TLK1: variants seen among roughly 807,000 people sequenced by gnomAD.
The protein encoded by TLK1 is tousled like kinase 1.
A neutral mutation model predicts 105.3 loss-of-function variants in TLK1; 24 were observed. That is an observed-to-expected ratio of 0.23 (90% confidence interval 0.17 to 0.32). The LOEUF is 0.32. TLK1 is among the 10% of genes least tolerant of loss of function. TLK1 has a pLI of 1.00. For missense variants in TLK1, 558 were observed against 910.5 expected, an observed-to-expected ratio of 0.61 and a Z score of 4.98; for synonymous variants, 321 against 310.4, an observed-to-expected ratio of 1.03 and a Z score of -0.36.
intron 1 of TLK1, among the ~76,000 whole-genome samples, chr2:171,166,434 C>A (rs1692611698): frequency 6.6e-6 from 1 of 152,238 alleles, no homozygotes. Flanking sequence ...GAAGAATAGG[C>A]CAAATGCCCC....
intron 1 of TLK1, among the ~76,000 whole-genome samples, chr2:171,145,741 T>C (rs1691768345): frequency 6.6e-6 from 1 of 152,214 alleles, no homozygotes; most frequent in South Asian, 2.1e-4. Flanking sequence ...AGTAATATTA[T>C]AGTGCAATTA....
intron 20 of TLK1, among the ~76,000 whole-genome samples, chr2:170,996,016 G>C (rs563060088): frequency 8.5e-4 from 125 of 147,632 alleles, no homozygotes; most frequent in African/African-American, 3.0e-3. Flanking sequence ...TGGTTTTTTT[G>C]AGACAGGGTG....
At chr2:171,156,061 C>T (rs1461994315) in intron 1 of TLK1, among the ~76,000 whole-genome samples, 1 of 152,156 alleles carries the variant, frequency 6.6e-6, no homozygotes, top group East Asian at 1.9e-4. Context: ...ATACAATATG[C>T]TTTCACATTG....
chr2:171,160,326 G>T lies in TLK1; in HGVS notation c.103C>A (p.Leu35Met), dbSNP rs768117865. ...PGSAAAARSL[L>M]NHTPPSGRPR... is the part of the protein sequence containing the mutation. ...CTCCCGGATGGCGGCGTGTGATTCA[G>T]CAGGGACCTGGCCGCCGCCGCCGAG... Residue 35 changes from leucine (L) to methionine (M), a missense_variant, in exon 1 of 21, where the codon CTG (leucine) becomes ATG (methionine). Around this residue, in one of 5 missense-constraint regions of TLK1, gnomAD observed 104 missense variants for 116.0 expected, o/e 0.90. Transcript: ENST00000431350. This position sits in a 1 kb window ranked among gnomAD's most constrained non-coding sequence, Gnocchi z 4.4. 3 of 1,602,270 alleles carry T rather than the reference G, an allele frequency of 1.9e-6. No homozygotes were observed. The highest frequency in any genetic ancestry group is 2.2e-5 in the South Asian group (2 of 89,836).
intron 3 of TLK1, among the ~76,000 whole-genome samples, chr2:171,063,599 T>C (rs1010947153): frequency 3.3e-5 from 5 of 152,142 alleles, no homozygotes; most frequent in South Asian, 2.1e-4. Context: ...TCTGAAACAG[T>C]TGTATTGGAA....
rs748729575 is a variant in TLK1, at chr2:171,006,140, C to T, written c.1904+7G>A. The T allele has an allele frequency of 2.5e-6, 4 of 1,574,820 alleles. No homozygotes were observed. The highest frequency in any genetic ancestry group is 1.9e-5 in the Admixed American group (1 of 51,882). On this transcript the variant is annotated splice_region_variant and intron_variant, in intron 18 of 20. Coordinates refer to ENST00000431350, the MANE Select transcript of TLK1 (RefSeq NM_012290.5). ...AGACATTCTGATGTTTTTAGTAATACACTTACCAGTAAGTGCCTGCCCCCT... is the reference window on the plus strand; with the variant it reads ...AGACATTCTGATGTTTTTAGTAATATACTTACCAGTAAGTGCCTGCCCCCT...
intron 18 of TLK1, among the ~76,000 whole-genome samples, chr2:170,998,920 C>T (rs1487706665): frequency 6.6e-6 from 1 of 152,096 alleles, no homozygotes; most frequent in African/African-American, 2.4e-5. Context: ...AGACGTGCAC[C>T]AGCACACCCA....
At chr2:171,227,477 A>T (rs1011129242) in intron 1 of TLK1, among the ~76,000 whole-genome samples, 2 of 149,084 alleles carry the variant, frequency 1.3e-5, no homozygotes, top group African/African-American at 2.5e-5. Context: ...TCTGGTTTTG[A>T]CTTATGTGTA....
At chr2:171,156,701 A>G (rs1354065724) in intron 1 of TLK1, among the ~76,000 whole-genome samples, 1 of 152,266 alleles carries the variant, frequency 6.6e-6, no homozygotes, top group African/African-American at 2.4e-5. Flanking sequence ...AAAGGCCTAC[A>G]GGGCCATCTG....
chr2:171,221,839 G>A (rs1326888507), intron 1 of TLK1, among the ~76,000 whole-genome samples: 7 of 152,178 alleles, frequency 4.6e-5, no homozygotes, highest in African/African-American at 1.4e-4. Flanking sequence ...AGTCCTATCC[G>A]GTTAGGGCCC....
chr2:171,021,505 C>G (rs1685505836), intron 12 of TLK1, among the ~76,000 whole-genome samples: 1 of 145,850 alleles, frequency 6.9e-6, no homozygotes, highest in South Asian at 2.2e-4. Flanking sequence ...TGGGCTGAAG[C>G]AATCCTCTGG....
chr2:171,132,158 G>A (rs1054380752), intron 1 of TLK1, among the ~76,000 whole-genome samples: 2 of 152,180 alleles, frequency 1.3e-5, no homozygotes, highest in African/African-American at 2.4e-5. Context: ...GAAGCCTCAG[G>A]AAACTTACAA....
At chr2:171,034,410 A>T (rs1343182965) in intron 11 of TLK1, among the ~76,000 whole-genome samples, 2 of 152,240 alleles carry the variant, frequency 1.3e-5, no homozygotes, top group East Asian at 3.8e-4. Flanking sequence ...TTCAGCCATA[A>T]AAAGAATGAA....
Position 171,103,424 on chromosome 2 carries a change from C to T in TLK1, c.258+14315G>A, listed in dbSNP as rs187256470. 4.3e-3 allele frequency among the ~76,000 whole-genome samples: 649 copies of T among 151,960 alleles called. 5 individuals are homozygous for T. The highest frequency in any genetic ancestry group is 0.015 in the African/African-American group (609 of 41,402). ...TCCTGAGTAGATGGGATTACAGGCA[C>T]GTCCCACCATGTCCGGCTAATTTTT... On this transcript the variant is annotated intron_variant, in intron 2 of 20. Coordinates refer to ENST00000431350, the MANE Select transcript of TLK1 (RefSeq NM_012290.5).
chr2:171,209,781 C>G (rs1311972453), intron 1 of TLK1, among the ~76,000 whole-genome samples: 1 of 152,106 alleles, frequency 6.6e-6, no homozygotes, highest in Non-Finnish European at 1.5e-5. Flanking sequence ...AGAGAGAAAA[C>G]GGTCATCTAC....
chr2:171,216,612 C>G (rs1693719265), intron 1 of TLK1, among the ~76,000 whole-genome samples: 1 of 152,158 alleles, frequency 6.6e-6, no homozygotes, highest in South Asian at 2.1e-4. Flanking sequence ...TCCTCACCCC[C>G]TAAAACATAT....
chr2:171,129,200 T>C (rs986658011), intron 1 of TLK1, among the ~76,000 whole-genome samples: 1 of 152,212 alleles, frequency 6.6e-6, no homozygotes, highest in Non-Finnish European at 1.5e-5. Flanking sequence ...TCCCTTTCCC[T>C]CATTACTAAG....
chr2:171,148,067 T>C (rs913728808), intron 1 of TLK1, among the ~76,000 whole-genome samples: 1 of 152,082 alleles, frequency 6.6e-6, no homozygotes, highest in Non-Finnish European at 1.5e-5. Flanking sequence ...ATTTTTTGTA[T>C]TTTTACTTGA....
intron 12 of TLK1, among the ~76,000 whole-genome samples, chr2:171,022,086 A>C (rs72888218): frequency 0.037 from 3,768 of 103,038 alleles, 79 homozygotes; most frequent in South Asian, 0.047. Flanking sequence ...CTGGGCGAAA[A>C]ACACACACAC....
Sources: gnomAD v4.1 joint callset for allele counts (sites outside exome capture counted in the v4.1 genomes callset) on GRCh38, gnomAD v4.1.1 for gene constraint, gnomAD v4.1.1 regional missense constraint, Gnocchi (gnomAD v3.1) non-coding constraint, MANE v1.5 for transcripts, NCBI Gene and HGNC (gene_info 2026-07-23, HGNC 2026-07-21) for gene names.